Variants in ARFGEF3 observed in about 807,000 individuals in gnomAD.
ARFGEF3 encodes brefeldin A-inhibited guanine nucleotide-exchange protein 3.
ARFGEF3 carries 96 observed loss-of-function variants against 221.7 expected under a neutral mutation model. The ratio of observed to expected loss-of-function variants is 0.43; its 90% CI spans 0.37 to 0.51. The LOEUF (loss-of-function observed/expected upper bound fraction) is 0.51. Among genes scored for constraint, ARFGEF3 ranks in the 20% least tolerant of loss-of-function variants. The pLI, the probability that ARFGEF3 is intolerant of heterozygous loss-of-function variation, is 0.00. For synonymous variants in ARFGEF3, 1,145 were observed against 1,126.8 expected (o/e 1.02, Z -0.32); for missense variants, 2,410 against 2,789.9 (o/e 0.86, Z 3.07).
intron 2 of ARFGEF3, among the ~76,000 whole-genome samples, chr6:138,202,006 C>T (rs1282471516): frequency 6.6e-6 from 1 of 152,140 alleles, no homozygotes; most frequent in South Asian, 2.1e-4. Flanking sequence ...CTTGACATGA[C>T]CAGATGCAGC....
intron 1 of ARFGEF3, among the ~76,000 whole-genome samples, chr6:138,166,613 G>T (rs1200284593): frequency 6.6e-5 from 10 of 152,186 alleles, no homozygotes; most frequent in Admixed American, 3.9e-4. Context: ...TTGGATGAAG[G>T]GTTGGCTTGG....
In ARFGEF3 at chr6:138,294,137, C is replaced by T. The variant is rs761202606; in HGVS notation, c.3502+11C>T. On this transcript the variant is annotated intron_variant, in intron 20 of 33. Coordinates refer to ENST00000251691, the MANE Select transcript of ARFGEF3 (RefSeq NM_020340.5). ...CTCTGGCAATGCCAGGTAATTCTTTCCCTGAATAAACCATATGCCAGGAAG... is the reference window on the plus strand; with the variant it reads ...CTCTGGCAATGCCAGGTAATTCTTTTCCTGAATAAACCATATGCCAGGAAG... 28 of 1,612,812 alleles carry T rather than the reference C, an allele frequency of 1.7e-5. No homozygotes were observed. The highest frequency in any genetic ancestry group is 8.9e-5 in the East Asian group (4 of 44,880).
intron 32 of ARFGEF3, among the ~76,000 whole-genome samples, chr6:138,332,596 G>A (rs1458474715): frequency 1.3e-5 from 2 of 152,260 alleles, no homozygotes; most frequent in African/African-American, 4.8e-5. Flanking sequence ...TTAAGTAGGA[G>A]CTGGGGCTGG....
intron 8 of ARFGEF3, among the ~76,000 whole-genome samples, chr6:138,249,224 CACAT>C (rs1778538276): frequency 6.6e-6 from 1 of 152,216 alleles, no homozygotes. Context: ...CAAATGCACA[CACAT>C]ACATATTAGA....
rs778958872 is a variant in ARFGEF3, at chr6:138,324,157, A to G, written c.5001+3A>G. ...GCATCCGAGCCATGGCCCAGCAGGT[A>G]AGGGCAGGGGCTTTTGATCTCAGGA... On this transcript the variant is annotated splice_donor_region_variant and intron_variant, in intron 31 of 33. Transcript: ENST00000251691. 1 of 1,612,678 alleles carries G rather than the reference A, an allele frequency of 6.2e-7. No homozygotes were observed. Among genetic ancestry groups the G allele is most frequent in the South Asian group, 1.1e-5 (1 of 90,954 alleles).
chr6:138,290,816 G>A (rs1779389660), intron 18 of ARFGEF3, among the ~76,000 whole-genome samples: 2 of 152,262 alleles, frequency 1.3e-5, no homozygotes, highest in South Asian at 4.1e-4. Flanking sequence ...GCACCAGCCA[G>A]AGCTGGGTTC....
chr6:138,288,085 AT>A (rs1197512488), intron 17 of ARFGEF3, among the ~76,000 whole-genome samples: 3 of 152,196 alleles, frequency 2.0e-5, no homozygotes, highest in South Asian at 4.1e-4. Flanking sequence ...TTAAAAACAA[AT>A]AAAAAATAAG....
intron 23 of ARFGEF3, among the ~76,000 whole-genome samples, chr6:138,308,128 A>C (rs1359413195): frequency 6.6e-6 from 1 of 152,178 alleles, no homozygotes; most frequent in African/African-American, 2.4e-5. Flanking sequence ...GGCCACTTAC[A>C]TACCCTTTGC....
At chr6:138,330,692 T>C (rs1780213075) in intron 32 of ARFGEF3, among the ~76,000 whole-genome samples, 1 of 151,760 alleles carries the variant, frequency 6.6e-6, no homozygotes, top group Admixed American at 6.6e-5. Context: ...AACAAAAAGT[T>C]TGCCAGGTTA....
chr6:138,194,291 GTGA>G (rs1777368179), intron 2 of ARFGEF3, among the ~76,000 whole-genome samples: 1 of 150,726 alleles, frequency 6.6e-6, no homozygotes, highest in Non-Finnish European at 1.5e-5. Flanking sequence ...AAAAAAGATA[GTGA>G]TGGTATTTTC....
At chr6:138,205,054 A>G (rs1239297434) in intron 2 of ARFGEF3, among the ~76,000 whole-genome samples, 1 of 152,204 alleles carries the variant, frequency 6.6e-6, no homozygotes, top group Non-Finnish European at 1.5e-5. Flanking sequence ...TAAGGATTTC[A>G]AGGGCTAATA....
intron 21 of ARFGEF3, 123 bp downstream of exon 21, chr6:138,297,078 C>A: frequency 9.3e-7 from 1 of 1,075,090 alleles, no homozygotes; most frequent in Non-Finnish European, 1.3e-6. Flanking sequence ...TGGGAACTTG[C>A]CTATCACCTG....
intron 4 of ARFGEF3, among the ~76,000 whole-genome samples, chr6:138,219,393 G>A (rs567828050): frequency 1.7e-4 from 26 of 152,302 alleles, no homozygotes; most frequent in African/African-American, 6.0e-4. Context: ...AGAGCTGGGT[G>A]TTAAACATGG....
rs956819773 is a variant in ARFGEF3, at chr6:138,253,862, G to T, written c.666-18G>T. The T allele has an allele frequency of 6.4e-7, 1 of 1,550,442 alleles. No homozygotes were observed. Among genetic ancestry groups the T allele is most frequent in the Non-Finnish European group, 8.8e-7 (1 of 1,142,642 alleles). ...CTTGTCTTTTGTCTGCATTTGTGTC[G>T]GTTCTGCTCTTCTGCAGTGACAGCC... On this transcript the variant is annotated intron_variant, in intron 8 of 33. Coordinates refer to ENST00000251691, the MANE Select transcript of ARFGEF3 (RefSeq NM_020340.5).
Position 138,265,468 on chromosome 6 carries a change from T to C in ARFGEF3, c.2128+1857T>C, listed in dbSNP as rs552321252. 3.3e-5 allele frequency among the ~76,000 whole-genome samples: 5 copies of C among 152,328 alleles called. No homozygotes were observed. The South Asian group carries it at 6.2e-4, about 19-fold the overall frequency. On this transcript the variant is annotated intron_variant, in intron 12 of 33. Coordinates refer to ENST00000251691, the MANE Select transcript of ARFGEF3 (RefSeq NM_020340.5). ...CAAATTTTGGATTTTTTTATTTGTGTGTGTAACAAAATTCACGTTTTATTG... is the reference window on the plus strand; with the variant it reads ...CAAATTTTGGATTTTTTTATTTGTGCGTGTAACAAAATTCACGTTTTATTG...
At chr6:138,243,057 C>A in intron 7 of ARFGEF3, 63 bp downstream of exon 7, 1 of 1,298,548 alleles carries the variant, frequency 7.7e-7, no homozygotes, top group Non-Finnish European at 1.1e-6. Context: ...CTACTGTGTG[C>A]TTGGAGTGAG....
chr6:138,334,055 G>C lies in ARFGEF3; in HGVS notation c.5209G>C (p.Val1737Leu). Reference protein sequence around the residue: ...NLYDILLEEFVKGPSPGEEKT... With the variant: ...NLYDILLEEFLKGPSPGEEKT... ...ATATGACATCTTGTTAGAAGAGTTTGTCAAAGGCCCCTCTCCTGGAGAGGA... is the reference window on the plus strand; with the variant it reads ...ATATGACATCTTGTTAGAAGAGTTTCTCAAAGGCCCCTCTCCTGGAGAGGA... The change falls in exon 33 of 34, where the codon GTC becomes CTC. Residue 1737 changes from valine to leucine, a missense_variant. Val to Leu is a conservative substitution (Grantham distance 32). Transcript: ENST00000251691. This position sits in a 1 kb window ranked among gnomAD's most constrained non-coding sequence, Gnocchi z 5.1. 1.2e-6 allele frequency: 2 copies of C among 1,613,958 alleles called. No individual in the cohort carries two copies. The highest frequency in any genetic ancestry group is 1.7e-6 in the Non-Finnish European group (2 of 1,179,890).
intron 2 of ARFGEF3, among the ~76,000 whole-genome samples, chr6:138,171,478 T>C (rs1776829797): frequency 6.6e-6 from 1 of 152,336 alleles, no homozygotes; most frequent in African/African-American, 2.4e-5. Flanking sequence ...ATCTGACTGG[T>C]TGTGAAGTCC....
chr6:138,268,875 A>G (rs1778943768), intron 12 of ARFGEF3, among the ~76,000 whole-genome samples: 2 of 152,254 alleles, frequency 1.3e-5, no homozygotes, highest in African/African-American at 4.8e-5. Context: ...TAGTGTAGCA[A>G]GTATAAATCT....
Sources: allele counts gnomAD v4.1 joint callset (sites outside exome capture counted in the v4.1 genomes callset), GRCh38; gene constraint gnomAD v4.1.1; non-coding constraint Gnocchi (gnomAD v3.1); transcripts MANE v1.5; gene names NCBI Gene and HGNC (gene_info 2026-07-23, HGNC 2026-07-21).